ESRRG: variants seen among roughly 807,000 people sequenced by gnomAD.
ESRRG encodes the protein estrogen-related receptor gamma.
In ESRRG, 13 loss-of-function variants were observed where a neutral mutation model predicts 44.0. The ratio of observed to expected loss-of-function variants is 0.30; its 90% CI spans 0.19 to 0.47. The LOEUF (loss-of-function observed/expected upper bound fraction) is 0.47. ESRRG is among the 20% of genes least tolerant of loss of function. The probability of loss-of-function intolerance (pLI) is 1.00; values close to 1 mark genes in which losing one functional copy is unlikely to be tolerated. For missense variants in ESRRG, 395 were observed against 580.6 expected (o/e 0.68, Z 3.29); for synonymous variants, 215 against 214.6 (o/e 1.00, Z -0.02).
chr1:216,654,713 G>A (rs1286667157), intron 2 of ESRRG, among the ~76,000 whole-genome samples: 1 of 151,596 alleles, frequency 6.6e-6, no homozygotes. Flanking sequence ...TGTGGCAAAA[G>A]GGGAAAGATT....
chr1:216,546,494 G>A (rs781686930), intron 5 of ESRRG, among the ~76,000 whole-genome samples: 7 of 152,006 alleles, frequency 4.6e-5, no homozygotes, highest in East Asian at 1.9e-4. Context: ...AGCCATGCTC[G>A]GTTTAATGCT....
intron 2 of ESRRG, among the ~76,000 whole-genome samples, chr1:216,850,344 A>G (rs1035422002): frequency 6.6e-6 from 1 of 152,064 alleles, no homozygotes; most frequent in African/African-American, 2.4e-5. Context: ...CCTCTTCTCC[A>G]GAAGAAAACA....
intron 2 of ESRRG, among the ~76,000 whole-genome samples, chr1:216,923,882 C>T (rs1578200145): frequency 6.6e-6 from 1 of 152,172 alleles, no homozygotes; most frequent in East Asian, 1.9e-4. Context: ...GGCAGTGACT[C>T]AGCCATTACT....
At chr1:216,515,352 A>G (rs1320096043) in intron 6 of ESRRG, among the ~76,000 whole-genome samples, 1 of 152,116 alleles carries the variant, frequency 6.6e-6, no homozygotes, top group African/African-American at 2.4e-5. Context: ...TATTAGGAAA[A>G]CCATATCTAA....
At chr1:216,816,642 T>A (rs528077861) in intron 2 of ESRRG, among the ~76,000 whole-genome samples, 64 of 152,332 alleles carry the variant, frequency 4.2e-4, no homozygotes, top group Non-Finnish European at 7.6e-4. Flanking sequence ...AGTTTTGACA[T>A]GCAGTTGCTA....
At chr1:217,016,751 G>C (rs1055769095) in intron 1 of ESRRG, among the ~76,000 whole-genome samples, 2 of 152,020 alleles carry the variant, frequency 1.3e-5, no homozygotes, top group African/African-American at 2.4e-5. Flanking sequence ...TAGGTGTTCT[G>C]CTATATTTTG....
chr1:216,952,302 G>C (rs1423633664), intron 1 of ESRRG, among the ~76,000 whole-genome samples: 1 of 152,144 alleles, frequency 6.6e-6, no homozygotes, highest in Non-Finnish European at 1.5e-5. Flanking sequence ...AAAGTTCAAG[G>C]CTTAGTGTAG....
In ESRRG at chr1:216,505,657, C is replaced by A. The variant is rs535938309; in HGVS notation, c.*1282G>T. On this transcript the variant is annotated 3_prime_UTR_variant, in exon 7 of 7. Transcript: ENST00000408911. Reference sequence around the variant, plus strand: ...ATTCTACGGATCTATATCTCATGTGCAGTGCTTATATATGTGACTACTCAG... The same window carrying A: ...ATTCTACGGATCTATATCTCATGTGAAGTGCTTATATATGTGACTACTCAG... 5 of 152,538 alleles carry A rather than the reference C, an allele frequency of 3.3e-5. No individual in the cohort carries two copies. Among genetic ancestry groups the A allele is most frequent in the Admixed American group, 2.6e-4 (4 of 15,278 alleles). The allele number at this position is 152,538 out of a possible 1,614,324, so 9.4% of individuals were successfully genotyped here.
At chr1:217,056,345 G>A (rs183096330) in intron 1 of ESRRG, among the ~76,000 whole-genome samples, 1 of 152,080 alleles carries the variant, frequency 6.6e-6, no homozygotes, top group African/African-American at 2.4e-5. Flanking sequence ...TTGTCTTTGT[G>A]GTTATTTTTA....
rs189232858 is a variant in ESRRG at position 216,572,568 on chromosome 1, A to G, written c.590-4470T>C. On this transcript the variant is annotated intron_variant, in intron 3 of 6. Coordinates refer to ENST00000408911, the MANE Select transcript of ESRRG (RefSeq NM_001438.4). ...TTCTATTTTTAATGTTTTTTCCAGA[A>G]AAAAAAAATTTTAAAAATTAAAGAC... Among the ~76,000 whole-genome samples the G allele has an allele frequency of 3.5e-4, 53 of 150,768 alleles. No homozygotes were observed. The Middle Eastern group carries it at 0.01, about 29-fold the overall frequency.
chr1:216,928,563 A>G (rs893081075), intron 2 of ESRRG, among the ~76,000 whole-genome samples: 5 of 152,146 alleles, frequency 3.3e-5, no homozygotes, highest in African/African-American at 7.2e-5. Flanking sequence ...TCCTAAGCAC[A>G]TTGATGATTC....
chr1:216,964,752 A>AT (rs1456554422), intron 1 of ESRRG, among the ~76,000 whole-genome samples: 1 of 152,008 alleles, frequency 6.6e-6, no homozygotes, highest in Non-Finnish European at 1.5e-5. Flanking sequence ...AGAAGGAAAA[A>AT]AAAAACCTCT....
chr1:216,673,128 G>A (rs1385643392), intron 2 of ESRRG, among the ~76,000 whole-genome samples: 3 of 152,072 alleles, frequency 2.0e-5, no homozygotes, highest in African/African-American at 7.2e-5. Context: ...TGTTAAGGGT[G>A]GTTTGGCTGC....
intron 2 of ESRRG, among the ~76,000 whole-genome samples, chr1:216,904,718 G>A (rs2059494629): frequency 6.6e-6 from 1 of 152,144 alleles, no homozygotes; most frequent in Non-Finnish European, 1.5e-5. Context: ...CATTAGGTGG[G>A]TTCAGATTTT....
At chr1:216,532,543 G>A (rs548537893) in intron 5 of ESRRG, among the ~76,000 whole-genome samples, 44 of 152,304 alleles carry the variant, frequency 2.9e-4, no homozygotes, top group Non-Finnish European at 5.6e-4. Context: ...GAATGACATT[G>A]CGGCTCTGGC....
intron 5 of ESRRG, among the ~76,000 whole-genome samples, chr1:216,534,172 A>C (rs1023013805): frequency 2.0e-4 from 30 of 152,174 alleles, no homozygotes; most frequent in African/African-American, 7.0e-4. Flanking sequence ...GCTCCCACGA[A>C]GGCCACCTCC....
At chr1:217,088,426 T>TGA (rs1233452415) in intron 1 of ESRRG, among the ~76,000 whole-genome samples, 10 of 101,128 alleles carry the variant, frequency 9.9e-5, no homozygotes, top group Admixed American at 1.3e-4. Context: ...TTTTTTTTTT[T>TGA]GAGAGAGAGA....
intron 2 of ESRRG, among the ~76,000 whole-genome samples, chr1:216,884,668 C>A (rs1479450301): frequency 6.6e-6 from 1 of 152,152 alleles, no homozygotes; most frequent in Non-Finnish European, 1.5e-5. Context: ...TTCTCTGGCA[C>A]CTTTTGTCAA....
At chr1:216,962,173 C>T (rs181692556) in intron 1 of ESRRG, among the ~76,000 whole-genome samples, 126 of 152,204 alleles carry the variant, frequency 8.3e-4, no homozygotes, top group Admixed American at 8.1e-3. Context: ...AAAGAACTAG[C>T]GAGAGAAAGA....
Sources: allele counts gnomAD v4.1 joint callset (sites outside exome capture counted in the v4.1 genomes callset), GRCh38; gene constraint gnomAD v4.1.1; transcripts MANE v1.5; gene names NCBI Gene and HGNC (gene_info 2026-07-23, HGNC 2026-07-21).